NRG1: variants seen among roughly 807,000 people sequenced by gnomAD.
NRG1 encodes the protein pro-neuregulin-1, membrane-bound isoform.
In NRG1, 18 loss-of-function variants were observed where a neutral mutation model predicts 63.8. The observed-to-expected ratio is 0.28, with a 90% CI of 0.19 to 0.42. The LOEUF is 0.42. NRG1 is among the 10% of genes least tolerant of loss of function. The pLI, the probability that NRG1 is intolerant of heterozygous loss-of-function variation, is 1.00. For synonymous variants in NRG1, 302 were observed against 301.3 expected, an observed-to-expected ratio of 1.00 and a Z score of -0.02; for missense variants, 762 against 814.7, an observed-to-expected ratio of 0.94 and a Z score of 0.79.
At chr8:31,967,117 G>A (rs1806482466) in intron 1 of NRG1, among the ~76,000 whole-genome samples, 1 of 152,040 alleles carries the variant, frequency 6.6e-6, no homozygotes, top group African/African-American at 2.4e-5. Context: ...ACCAGGCTGT[G>A]GATGGCCTTC....
At chr8:32,085,553 C>G (rs1828086439) in intron 1 of NRG1, among the ~76,000 whole-genome samples, 1 of 152,160 alleles carries the variant, frequency 6.6e-6, no homozygotes, top group Non-Finnish European at 1.5e-5. Flanking sequence ...ATTGTGATTT[C>G]TATAAGAATA....
At chr8:31,999,543 G>T (rs1427206348) in intron 1 of NRG1, among the ~76,000 whole-genome samples, 2 of 151,962 alleles carry the variant, frequency 1.3e-5, no homozygotes, top group Non-Finnish European at 2.9e-5. Flanking sequence ...AGACAGGAGG[G>T]ATTGTGGCCT....
intron 1 of NRG1, among the ~76,000 whole-genome samples, chr8:32,541,895 G>A (rs1364967998): frequency 6.6e-6 from 1 of 152,156 alleles, no homozygotes; most frequent in Non-Finnish European, 1.5e-5. Context: ...TTTACTGGGT[G>A]TCACTTGATG....
chr8:32,316,930 C>T (rs1342082664), intron 1 of NRG1, among the ~76,000 whole-genome samples: 3 of 152,162 alleles, frequency 2.0e-5, no homozygotes, highest in African/African-American at 7.2e-5. Flanking sequence ...AGACAGAAGT[C>T]TCTAGAATAT....
intron 1 of NRG1, among the ~76,000 whole-genome samples, chr8:31,809,004 T>C (rs1251734741): frequency 2.6e-5 from 4 of 152,110 alleles, no homozygotes; most frequent in African/African-American, 4.8e-5. Flanking sequence ...TCTTTGCTCT[T>C]ACATTTGGTT....
chr8:31,948,337 G>T (rs1476640572), intron 1 of NRG1, among the ~76,000 whole-genome samples: 1 of 152,170 alleles, frequency 6.6e-6, no homozygotes, highest in Non-Finnish European at 1.5e-5. Flanking sequence ...AAAATGGATA[G>T]GGGAGTTGTG....
At chr8:31,716,525 C>T (rs1017647952) in intron 1 of NRG1, among the ~76,000 whole-genome samples, 2 of 152,222 alleles carry the variant, frequency 1.3e-5, no homozygotes, top group South Asian at 4.1e-4. Flanking sequence ...GCTCTTCAAA[C>T]ATTATCAGAG....
exon 12 of NRG1, chr8:32,766,553 A>T (rs1359327179): frequency 1.3e-5 from 2 of 152,184 alleles, no homozygotes; most frequent in Non-Finnish European, 2.9e-5. Context: ...AACCCTAAAA[A>T]TTCTGTTTCA....
intron 1 of NRG1, among the ~76,000 whole-genome samples, chr8:32,315,663 T>TACCTAACATGGAATCTGAC (rs1857302223): frequency 1.3e-5 from 2 of 152,214 alleles, no homozygotes; most frequent in Non-Finnish European, 2.9e-5. Context: ...TTGAATCTGA[T>TACCTAACATGGAATCTGAC]ACCTAACATG....
At chr8:32,328,427 TC>T (rs1289944447) in intron 1 of NRG1, among the ~76,000 whole-genome samples, 2,657 of 147,800 alleles carry the variant, frequency 0.018, 58 homozygotes, top group African/African-American at 0.06. Flanking sequence ...AAATTTAACA[TC>T]TTTTTTTTTT....
chr8:32,438,633 T>C (rs1234456320), intron 1 of NRG1, among the ~76,000 whole-genome samples: 1 of 152,218 alleles, frequency 6.6e-6, no homozygotes, highest in Non-Finnish European at 1.5e-5. Flanking sequence ...AAATTAGATG[T>C]GCCATTTTAT....
Position 32,065,250 on chromosome 8 carries a change from C to T in NRG1, c.37+425819C>T, listed in dbSNP as rs537980390. Among the ~76,000 whole-genome samples the T allele has an allele frequency of 9.2e-5, 14 of 151,942 alleles. No homozygotes were observed. The East Asian group carries it at 9.7e-4, about 11-fold the overall frequency. ...TAAGTTTTAGGGTACATGTGCACAA[C>T]GTGCAGGTTTGTTACATATGTATAC... is the stretch of plus-strand genomic sequence containing the variant. On this transcript the variant is annotated intron_variant, in intron 1 of 10. Coordinates refer to the NRG1 transcript ENST00000519301.
At chr8:31,697,496 T>C (rs1160022507) in intron 1 of NRG1, among the ~76,000 whole-genome samples, 5 of 152,204 alleles carry the variant, frequency 3.3e-5, no homozygotes, top group Non-Finnish European at 7.4e-5. Flanking sequence ...CCCTATGCCA[T>C]CTATCCACCA....
chr8:32,591,219 AG>A (rs1842470817), intron 1 of NRG1, among the ~76,000 whole-genome samples: 1 of 152,198 alleles, frequency 6.6e-6, no homozygotes, highest in Admixed American at 6.5e-5. Context: ...AGGACGCAGC[AG>A]GGACATTATT....
At chr8:32,552,412 G>A (rs1834332318) in intron 1 of NRG1, among the ~76,000 whole-genome samples, 1 of 151,968 alleles carries the variant, frequency 6.6e-6, no homozygotes, top group African/African-American at 2.4e-5. Context: ...CTTCACTCCT[G>A]GTAGGAGGGG....
At chr8:31,856,502 T>C (rs1827889191) in intron 1 of NRG1, among the ~76,000 whole-genome samples, 1 of 152,212 alleles carries the variant, frequency 6.6e-6, no homozygotes, top group Admixed American at 6.5e-5. Context: ...GTTATTCTAG[T>C]TATACATTCT....
intron 1 of NRG1, among the ~76,000 whole-genome samples, chr8:32,247,503 A>AT (rs1173231418): frequency 6.6e-6 from 1 of 152,044 alleles, no homozygotes; most frequent in African/African-American, 2.4e-5. Context: ...ATCCTTTGTG[A>AT]TTTTCAAAGG....
chr8:32,599,168 A>G (rs1843880730), intron 2 of NRG1, among the ~76,000 whole-genome samples: 1 of 152,080 alleles, frequency 6.6e-6, no homozygotes, highest in African/African-American at 2.4e-5. Context: ...GCATTTATAT[A>G]TTACTATTAA....
At chr8:32,147,774 C>T (rs1011955626) in intron 1 of NRG1, among the ~76,000 whole-genome samples, 15 of 152,152 alleles carry the variant, frequency 9.9e-5, no homozygotes, top group African/African-American at 2.7e-4. Flanking sequence ...TATCCACGTA[C>T]GTATGTGAAG....
Sources: gnomAD v4.1 joint callset for allele counts (sites outside exome capture counted in the v4.1 genomes callset) on GRCh38, gnomAD v4.1.1 for gene constraint, MANE v1.5 for transcripts, NCBI Gene and HGNC (gene_info 2026-07-23, HGNC 2026-07-21) for gene names.